Variants in MKS1 observed in about 807,000 individuals in gnomAD.
MKS1 encodes the protein MKS transition zone complex subunit 1, also known as tectonic-like complex member MKS1.
A neutral mutation model predicts 83.7 loss-of-function variants in MKS1; 70 were observed. That is an observed-to-expected ratio of 0.84 (90% CI 0.69 to 1.02). The LOEUF (loss-of-function observed/expected upper bound fraction) is 1.02, where lower values mean the gene tolerates loss of function less well. Among genes scored for constraint, MKS1 ranks in the 50% least tolerant of loss-of-function variants. The pLI is 0.00. For synonymous variants in MKS1, 251 were observed against 273.4 expected (o/e 0.92, Z 0.81); for missense variants, 681 against 726.9 (o/e 0.94, Z 0.73).
intron 10 of MKS1, 54 bp downstream of exon 10, chr17:58,210,926 T>A (rs1968835260): frequency 6.3e-7 from 1 of 1,581,828 alleles, no homozygotes; most frequent in African/African-American, 1.3e-5. Flanking sequence ...TATTCACAGC[T>A]CCATCTAGGC....
rs1567792918 is a variant in MKS1, at chr17:58,205,678, C to T, written c.*401G>A. On this transcript the variant is annotated 3_prime_UTR_variant, in exon 18 of 18. Transcript: ENST00000393119. ...GACCCTCTCACCGTCCACCTTCCTT[C>T]CTTCTTTGGTCTTGGAAGATGAAAG... 14 of 1,313,074 alleles carry T rather than the reference C, an allele frequency of 1.1e-5. No individual in the cohort carries two copies. Among genetic ancestry groups the T allele is most frequent in the Non-Finnish European group, 1.4e-5 (14 of 995,066 alleles). 81.3% of individuals were successfully genotyped at this position (1,313,074 alleles called of 1,614,324 possible).
rs200658872 is a variant in MKS1 at position 58,206,327 on chromosome 17, C to T, written c.1544G>A (p.Arg515His). 4.9e-5 allele frequency: 79 copies of T among 1,613,948 alleles called. No individual in the cohort carries two copies. The highest frequency in any genetic ancestry group is 9.9e-5 in the South Asian group (9 of 91,070). The stretch of plus-strand genomic sequence containing the variant: ...ACTCTGCTGGCTGAACCCTTCCAGA[C>T]GGTCCAACACACTCCGCATCCTTTT... ...LQKRMRSVLDRLEGFSQQSSI... is the reference protein window; with the variant it reads ...LQKRMRSVLDHLEGFSQQSSI... Residue 515 changes from arginine to histidine, a missense_variant, in exon 17 of 18, where the codon CGT becomes CAT. By Grantham distance (29) the Arg-to-His change is conservative (BLOSUM62 0). Transcript: ENST00000393119.
rs1206983556 is a variant in MKS1 at position 58,214,324 on chromosome 17, G to C, written c.579C>G (p.Asn193Lys). The change falls in exon 6 of 18, where the codon AAC becomes AAG. Residue 193 changes from asparagine (N) to lysine (K), a missense_variant. Asn to Lys is a moderately conservative substitution (Grantham distance 94). Around this residue, in one of 3 missense-constraint regions of MKS1, gnomAD observed 365 missense variants for 383.8 expected, o/e 0.95. Transcript: ENST00000393119. ...GAAGAGGGGTGTTAATGACGTGGTT[G>C]TTCCTGACAAACTCTTCTGAGGGCT... is the stretch of plus-strand genomic sequence containing the variant. ...TWEPSEEFVR[N>K]NHVINTPLQT... 1 of 1,614,052 alleles carries C rather than the reference G, an allele frequency of 6.2e-7. No homozygotes were observed. The highest frequency in any genetic ancestry group is 1.7e-5 in the Admixed American group (1 of 60,020).
Position 58,219,172 on chromosome 17 carries a change from G to A in MKS1, c.59C>T (p.Pro20Leu), listed in dbSNP as rs1438292552. The A allele has an allele frequency of 6.4e-7, 1 of 1,551,308 alleles. No individual in the cohort carries two copies. Among genetic ancestry groups the A allele is most frequent in the South Asian group, 1.2e-5 (1 of 84,060 alleles). Residue 20 changes from proline (P) to leucine (L), a missense_variant, in exon 1 of 18, where the codon CCC becomes CTC. Transcript: ENST00000393119. ...TGEAVYRSRD[P>L]VRNLRLRVHL... ...CTACCGGAGGCGCAAGTTGCGCACGGGGTCCCGGGAGCGATACACTGCCTC... is the reference window on the plus strand; with the variant it reads ...CTACCGGAGGCGCAAGTTGCGCACGAGGTCCCGGGAGCGATACACTGCCTC...
chr17:58,210,783 C>T, intron 10 of MKS1, 59 bp from the exon 11 acceptor site: 1 of 1,559,416 alleles, frequency 6.4e-7, no homozygotes, highest in Non-Finnish European at 8.8e-7. Flanking sequence ...TAGCACCCAA[C>T]CCAATCCTGA....
intron 1 of MKS1, 166 bp from the exon 2 acceptor site, chr17:58,218,895 A>T: frequency 1.2e-6 from 1 of 823,478 alleles, no homozygotes; most frequent in South Asian, 1.5e-5. Context: ...GGAAGAATGA[A>T]GGGGAGAGGG....
Position 58,206,457 on chromosome 17 carries a change from T to G in MKS1, c.1490+8A>C. On this transcript the variant is annotated splice_region_variant and intron_variant, in intron 16 of 17. Coordinates refer to ENST00000393119, the MANE Select transcript of MKS1 (RefSeq NM_017777.4). ...AGGTGCCCTGAGGCAGAGGGCCAAG[T>G]CACTCACCTGGACTGCTGCAGACAG... The G allele has an allele frequency of 6.2e-7, 1 of 1,614,072 alleles. No individual in the cohort carries two copies. The highest frequency in any genetic ancestry group is 1.1e-5 in the South Asian group (1 of 91,062).
At position 58,208,149 on chromosome 17, in the gene MKS1, G is replaced by C. The variant is rs773157492; in HGVS notation, c.1121C>G (p.Pro374Arg). Reference sequence around the variant, plus strand: ...GAGGAAGAAGGCTTCAAACGTGAATGGGTAGGAGAAGTGAGCCACCTTGTC... The same window carrying C: ...GAGGAAGAAGGCTTCAAACGTGAATCGGTAGGAGAAGTGAGCCACCTTGTC... ...AMDKVAHFSY[P>R]FTFEAFFLHE... Residue 374 changes from proline (P) to arginine (R), a missense_variant, in exon 13 of 18, where the codon CCA (proline) becomes CGA (arginine). Around this residue, in one of 3 missense-constraint regions of MKS1, gnomAD observed 310 missense variants for 321.7 expected, o/e 0.96. Coordinates refer to ENST00000393119, the MANE Select transcript of MKS1 (RefSeq NM_017777.4). 1.7e-5 allele frequency: 28 copies of C among 1,613,638 alleles called. No homozygotes were observed. The highest frequency in any genetic ancestry group is 2.4e-5 in the Non-Finnish European group (28 of 1,179,652).
chr17:58,217,483 G>A (rs896831353), intron 2 of MKS1, among the ~76,000 whole-genome samples: 5 of 152,204 alleles, frequency 3.3e-5, no homozygotes, highest in Non-Finnish European at 7.3e-5. Context: ...TGTAAGGAGA[G>A]GACAGTGAAG....
intron 12 of MKS1, 157 bp downstream of exon 12, chr17:58,208,356 G>A: frequency 1.0e-6 from 1 of 983,130 alleles, no homozygotes; most frequent in South Asian, 1.4e-5. Context: ...AAGACAGACA[G>A]GATCTCCGGA....
In MKS1 at chr17:58,208,499, C is replaced by G; in HGVS notation, c.1095+14G>C. 2.5e-6 allele frequency: 4 copies of G among 1,613,512 alleles called. No homozygotes were observed. Among genetic ancestry groups the G allele is most frequent in the Non-Finnish European group, 3.4e-6 (4 of 1,179,450 alleles). On this transcript the variant is annotated intron_variant, in intron 12 of 17. Coordinates refer to ENST00000393119, the MANE Select transcript of MKS1 (RefSeq NM_017777.4). The stretch of plus-strand genomic sequence containing the variant: ...TCTCATTCCCTTCCAGATACCCGCT[C>G]TCATTCTCCATACCATTGCCAGGGA...
In MKS1 at chr17:58,214,338, C is replaced by T; in HGVS notation, c.565G>A (p.Glu189Lys). The stretch of plus-strand genomic sequence containing the variant: ...ATGACGTGGTTGTTCCTGACAAACT[C>T]TTCTGAGGGCTCCCAGGTGACGATG... ...SRIVTWEPSE[E>K]FVRNNHVINT... Residue 189 changes from glutamate to lysine, a missense_variant, in exon 6 of 18, where the codon GAG becomes AAG. By Grantham distance (56) the Glu-to-Lys change is moderately conservative. Coordinates refer to ENST00000393119, the MANE Select transcript of MKS1 (RefSeq NM_017777.4). 6.2e-7 allele frequency: 1 copy of T among 1,613,978 alleles called. No individual in the cohort carries two copies. The highest frequency in any genetic ancestry group is 1.3e-5 in the African/African-American group (1 of 75,008).
intron 15 of MKS1, 122 bp downstream of exon 15, chr17:58,206,963 G>A (rs1011651329): frequency 5.0e-6 from 7 of 1,404,716 alleles, no homozygotes; most frequent in East Asian, 4.6e-5. Context: ...TTAAGCCACA[G>A]GAAGGAAGGG....
chr17:58,210,880 T>A, intron 10 of MKS1, 100 bp downstream of exon 10: 1 of 1,493,464 alleles, frequency 6.7e-7, no homozygotes, highest in Non-Finnish European at 9.3e-7. Context: ...GTTTCCCAAG[T>A]ACAGCAGACA....
At position 58,210,729 on chromosome 17, in the gene MKS1, G is replaced by T. The variant is rs765242131; in HGVS notation, c.959-5C>A. Reference sequence around the variant, plus strand: ...ACTCATAGCCTTGGGCTGAAACTACGAGAGAAAACAGGAAGCTATTTTAGC... The same window carrying T: ...ACTCATAGCCTTGGGCTGAAACTACTAGAGAAAACAGGAAGCTATTTTAGC... On this transcript the variant is annotated splice_region_variant and splice_polypyrimidine_tract_variant and intron_variant, in intron 10 of 17. Transcript: ENST00000393119. The T allele has an allele frequency of 6.2e-7, 1 of 1,613,990 alleles. No individual in the cohort carries two copies.
At chr17:58,212,462 A>G in intron 8 of MKS1, 28 bp from the exon 9 acceptor site, 1 of 1,613,016 alleles carries the variant, frequency 6.2e-7, no homozygotes, top group African/African-American at 1.3e-5. Flanking sequence ...ACCAAAACTC[A>G]AGATGCAACC....
intron 4 of MKS1, chr17:58,215,495 T>A (rs1006276320): frequency 1.8e-5 from 3 of 165,838 alleles, no homozygotes; most frequent in Admixed American, 1.1e-4. Context: ...GAATACCTGT[T>A]CCTTGCAGAG....
Position 58,213,072 on chromosome 17 carries a change from C to T in MKS1, c.768G>A (p.Glu256=). Residue 256 remains glutamate, a synonymous_variant, in exon 8 of 18, where the codon GAG becomes GAA. Transcript: ENST00000393119. The part of the protein sequence containing the change: ...KGPYRIETEG[E]KQELWKYTID... ...TCGTATATTTCCACAGCTCCTGCTT[C>T]TCCCCCTCCGTCTCAATCCTGTAAG... is the stretch of plus-strand genomic sequence containing the variant. 1 of 1,614,202 alleles carries T rather than the reference C, an allele frequency of 6.2e-7. No homozygotes were observed. Among genetic ancestry groups the T allele is most frequent in the African/African-American group, 1.3e-5 (1 of 75,052 alleles).
chr17:58,206,622 C>A, intron 15 of MKS1, 75 bp from the exon 16 acceptor site: 3 of 1,388,066 alleles, frequency 2.2e-6, no homozygotes, highest in Admixed American at 1.7e-5. Flanking sequence ...GCCTCACCCC[C>A]ATTCTTATTC....
Sources: gnomAD v4.1 joint callset for allele counts (sites outside exome capture counted in the v4.1 genomes callset) on GRCh38, gnomAD v4.1.1 for gene constraint, gnomAD v4.1.1 regional missense constraint, MANE v1.5 for transcripts, NCBI Gene and HGNC (gene_info 2026-07-23, HGNC 2026-07-21) for gene names.